BRINP3: variants seen among roughly 807,000 people sequenced by gnomAD.
BRINP3 encodes BMP/retinoic acid-inducible neural-specific protein 3.
Under a neutral mutation model 71.0 loss-of-function variants are expected in BRINP3, and 19 were observed. The ratio of observed to expected loss-of-function variants is 0.27; its 90% CI spans 0.19 to 0.39. The LOEUF (loss-of-function observed/expected upper bound fraction) is 0.39, where lower values mean the gene tolerates loss of function less well. Ranked by LOEUF, BRINP3 falls within the 10% of genes least tolerant of loss-of-function variation. The pLI, the probability that BRINP3 is intolerant of heterozygous loss-of-function variation, is 1.00. For synonymous variants in BRINP3, 380 were observed against 337.7 expected (o/e 1.13, Z -1.37); for missense variants, 959 against 940.8 (o/e 1.02, Z -0.25).
At chr1:190,298,940 T>G (rs761982997) in intron 2 of BRINP3, among the ~76,000 whole-genome samples, 2 of 152,152 alleles carry the variant, frequency 1.3e-5, no homozygotes, top group Non-Finnish European at 2.9e-5. Flanking sequence ...TTTTAGTTCT[T>G]CCTTCAATTC....
At chr1:190,246,489 A>C (rs942833891) in intron 4 of BRINP3, among the ~76,000 whole-genome samples, 5 of 151,876 alleles carry the variant, frequency 3.3e-5, no homozygotes, top group African/African-American at 9.7e-5. Context: ...CTCACTTAAC[A>C]CTAAAATGCA....
intron 2 of BRINP3, among the ~76,000 whole-genome samples, chr1:190,297,701 C>A (rs1664353166): frequency 6.6e-6 from 1 of 151,296 alleles, no homozygotes; most frequent in Non-Finnish European, 1.5e-5. Flanking sequence ...AAATGTTGAA[C>A]CAAACTTACA....
At chr1:190,367,664 A>C (rs1239030274) in intron 2 of BRINP3, among the ~76,000 whole-genome samples, 1 of 152,172 alleles carries the variant, frequency 6.6e-6, no homozygotes, top group East Asian at 1.9e-4. Context: ...TGCCACTTAG[A>C]AATTTCTTCC....
chr1:190,140,269 T>G (rs897502581), intron 7 of BRINP3, among the ~76,000 whole-genome samples: 1 of 152,140 alleles, frequency 6.6e-6, no homozygotes, highest in African/African-American at 2.4e-5. Flanking sequence ...TCACTAACAT[T>G]CAAAACCATC....
intron 7 of BRINP3, among the ~76,000 whole-genome samples, chr1:190,140,682 T>C (rs905217273): frequency 3.9e-5 from 6 of 152,194 alleles, no homozygotes; most frequent in Non-Finnish European, 8.8e-5. Flanking sequence ...GTTTTCAAAT[T>C]TAGTGAGATG....
At chr1:190,152,645 A>T (rs1656516117) in intron 7 of BRINP3, among the ~76,000 whole-genome samples, 1 of 146,332 alleles carries the variant, frequency 6.8e-6, no homozygotes, top group Non-Finnish European at 1.5e-5. Context: ...TTTCCTGTGT[A>T]CACTGTGGGC....
intron 2 of BRINP3, among the ~76,000 whole-genome samples, chr1:190,292,560 G>A (rs1217606168): frequency 6.6e-6 from 1 of 151,956 alleles, no homozygotes; most frequent in Non-Finnish European, 1.5e-5. Flanking sequence ...AGAAGGGAAG[G>A]GAGAATCACT....
intron 6 of BRINP3, among the ~76,000 whole-genome samples, chr1:190,197,554 G>T (rs772666083): frequency 6.6e-6 from 1 of 152,108 alleles, no homozygotes; most frequent in Non-Finnish European, 1.5e-5. Flanking sequence ...TGGCCAAAAC[G>T]AAGGGGCAAC....
intron 2 of BRINP3, among the ~76,000 whole-genome samples, chr1:190,371,432 T>C (rs959376106): frequency 6.6e-6 from 1 of 152,202 alleles, no homozygotes; most frequent in Non-Finnish European, 1.5e-5. Flanking sequence ...GAAGACACTG[T>C]CCTTTCCCCA....
At chr1:190,188,376 C>T (rs1458020912) in intron 6 of BRINP3, among the ~76,000 whole-genome samples, 1 of 152,060 alleles carries the variant, frequency 6.6e-6, no homozygotes, top group African/African-American at 2.4e-5. Flanking sequence ...TGTTTAATTG[C>T]TCTTGCTAAG....
At chr1:190,462,977 TA>T (rs5779532) in intron 1 of BRINP3, among the ~76,000 whole-genome samples, 24,058 of 152,010 alleles carry the variant, frequency 0.16, 2,008 homozygotes, top group South Asian at 0.21. Flanking sequence ...ATTAAAGTGA[TA>T]GTTTAAATCT....
At chr1:190,458,105 G>A (rs1676128672) in intron 1 of BRINP3, among the ~76,000 whole-genome samples, 1 of 151,968 alleles carries the variant, frequency 6.6e-6, no homozygotes, top group Non-Finnish European at 1.5e-5. Context: ...AGGTAATTAT[G>A]AGGTAATTAT....
intron 7 of BRINP3, among the ~76,000 whole-genome samples, chr1:190,122,251 C>A (rs1364302840): frequency 1.3e-5 from 2 of 152,120 alleles, no homozygotes; most frequent in African/African-American, 4.8e-5. Context: ...TGCATTCACA[C>A]ACTCACTGGA....
intron 6 of BRINP3, among the ~76,000 whole-genome samples, chr1:190,165,092 A>C (rs1427487370): frequency 2.0e-5 from 3 of 152,130 alleles, no homozygotes; most frequent in Admixed American, 6.6e-5. Context: ...ATATCTAACG[A>C]AATACATAAA....
Position 190,279,668 on chromosome 1 carries a change from G to A in BRINP3, c.427+1892C>T, listed in dbSNP as rs185815082. ...CTTTAATGTCTTGAGATTCCATGCC[G>A]GAGTTATTTTCCACAATGTGCTCAG... On this transcript the variant is annotated intron_variant, in intron 3 of 7. Coordinates refer to ENST00000367462, the MANE Select transcript of BRINP3 (RefSeq NM_199051.3). 9.3e-4 allele frequency among the ~76,000 whole-genome samples: 141 copies of A among 151,760 alleles called. 1 individual carries two copies. The highest frequency in any genetic ancestry group is 1.6e-3 in the Non-Finnish European group (108 of 67,792).
Position 190,107,473 on chromosome 1 carries a change from T to C in BRINP3, c.1185-8339A>G, listed in dbSNP as rs538193081. Reference sequence around the variant, plus strand: ...TTTTCTTACCCTAAATGATCTTCCTTAACAATCTAACTTACAATGACTTAC... The same window carrying C: ...TTTTCTTACCCTAAATGATCTTCCTCAACAATCTAACTTACAATGACTTAC... On this transcript the variant is annotated intron_variant, in intron 7 of 7. Coordinates refer to ENST00000367462, the MANE Select transcript of BRINP3 (RefSeq NM_199051.3). 2.6e-5 allele frequency among the ~76,000 whole-genome samples: 4 copies of C among 152,156 alleles called. No homozygotes were observed. The East Asian group carries it at 7.7e-4, about 29-fold the overall frequency.
intron 4 of BRINP3, among the ~76,000 whole-genome samples, chr1:190,242,754 T>C (rs559703914): frequency 3.4e-4 from 52 of 152,162 alleles, no homozygotes; most frequent in African/African-American, 1.2e-3. Flanking sequence ...TGTATATCCA[T>C]AAAGTATATG....
chr1:190,306,360 T>C lies in BRINP3; in HGVS notation c.237-24610A>G, dbSNP rs531093455. On this transcript the variant is annotated intron_variant, in intron 2 of 7. Coordinates refer to ENST00000367462, the MANE Select transcript of BRINP3 (RefSeq NM_199051.3). ...GGAGTATCTGAATTTAAATAAGCGA[T>C]TTTGGAGGGCACTGAAACATTTTGA... Among the ~76,000 whole-genome samples, 3 of 151,952 alleles carry C rather than the reference T, an allele frequency of 2.0e-5. No homozygotes were observed. In the East Asian group the frequency reaches 5.8e-4, roughly 29 times the overall value.
chr1:190,381,892 A>G (rs1357045412), intron 2 of BRINP3, among the ~76,000 whole-genome samples: 1 of 152,110 alleles, frequency 6.6e-6, no homozygotes, highest in Non-Finnish European at 1.5e-5. Flanking sequence ...TTTATATGGT[A>G]ATGTATTTGT....
Sources: gnomAD v4.1 joint callset for allele counts (sites outside exome capture counted in the v4.1 genomes callset) on GRCh38, gnomAD v4.1.1 for gene constraint, MANE v1.5 for transcripts, NCBI Gene and HGNC (gene_info 2026-07-23, HGNC 2026-07-21) for gene names.